The following EGFLAM variants were observed in gnomAD, a reference collection of about 807,000 sequenced individuals.
EGFLAM encodes the protein EGF like, fibronectin type III and laminin G domains, also known as pikachurin.
Under a neutral mutation model 113.1 loss-of-function variants are expected in EGFLAM, and 79 were observed. The observed-to-expected ratio is 0.70, with a 90% CI of 0.58 to 0.84. The LOEUF (loss-of-function observed/expected upper bound fraction) is 0.84. EGFLAM is among the 40% of genes least tolerant of loss of function. The pLI, the probability that EGFLAM is intolerant of heterozygous loss-of-function variation, is 0.00. For synonymous variants in EGFLAM, 504 were observed against 487.6 expected, an observed-to-expected ratio of 1.03 and a Z score of -0.44; for missense variants, 1,265 against 1,291.6, an observed-to-expected ratio of 0.98 and a Z score of 0.32.
intron 1 of EGFLAM, among the ~76,000 whole-genome samples, chr5:38,313,574 C>G (rs1192094148): frequency 1.3e-5 from 2 of 152,138 alleles, no homozygotes; most frequent in Non-Finnish European, 2.9e-5. Context: ...AGTCATCATA[C>G]ATCGCCTAAT....
At chr5:38,336,797 G>T (rs1320143927) in intron 1 of EGFLAM, among the ~76,000 whole-genome samples, 1 of 150,772 alleles carries the variant, frequency 6.6e-6, no homozygotes, top group Non-Finnish European at 1.5e-5. Context: ...TTCAGATAAG[G>T]GATGTCAACT....
chr5:38,320,617 T>G (rs373543963), intron 1 of EGFLAM, among the ~76,000 whole-genome samples: 2 of 152,164 alleles, frequency 1.3e-5, no homozygotes, highest in African/African-American at 4.8e-5. Context: ...TGTGTGCATA[T>G]GCTTACGTGT....
intron 1 of EGFLAM, among the ~76,000 whole-genome samples, chr5:38,261,758 G>T (rs551318862): frequency 6.6e-6 from 1 of 152,126 alleles, no homozygotes; most frequent in Non-Finnish European, 1.5e-5. Flanking sequence ...GAGTGCATAT[G>T]ATACTGAAAG....
chr5:38,405,169 T>C (rs1355589716), intron 6 of EGFLAM, among the ~76,000 whole-genome samples: 2 of 152,082 alleles, frequency 1.3e-5, no homozygotes, highest in African/African-American at 4.8e-5. Flanking sequence ...TACTTTGTAC[T>C]TCAAAAGTAT....
At position 38,352,194 on chromosome 5, in the gene EGFLAM, A is replaced by G. The variant is rs1739644864; in HGVS notation, c.410-2A>G. ...TCTAGTTGTGTTTGTCATCCCACCTAGATTCCTGCCTGCCTCCTGCAGCTC... is the reference window on the plus strand; with the variant it reads ...TCTAGTTGTGTTTGTCATCCCACCTGGATTCCTGCCTGCCTCCTGCAGCTC... On this transcript the variant is annotated splice_acceptor_variant, in intron 4 of 21. Transcript: ENST00000322350. LOFTEE classifies it high-confidence loss of function. The G allele has an allele frequency of 6.2e-7, 1 of 1,613,882 alleles. No homozygotes were observed. The highest frequency in any genetic ancestry group is 2.2e-5 in the East Asian group (1 of 44,878).
At chr5:38,412,909 C>T (rs981717205) in intron 11 of EGFLAM, among the ~76,000 whole-genome samples, 13 of 152,182 alleles carry the variant, frequency 8.5e-5, no homozygotes, top group Non-Finnish European at 1.6e-4. Flanking sequence ...AGCATCATTG[C>T]TGTTGGTGCA....
intron 1 of EGFLAM, among the ~76,000 whole-genome samples, chr5:38,323,252 G>C (rs1738787037): frequency 6.6e-6 from 1 of 152,196 alleles, no homozygotes; most frequent in African/African-American, 2.4e-5. Context: ...AATTGAATCA[G>C]AGATGAATTT....
intron 1 of EGFLAM, among the ~76,000 whole-genome samples, chr5:38,299,565 G>A (rs1758523319): frequency 6.6e-6 from 1 of 152,152 alleles, no homozygotes; most frequent in African/African-American, 2.4e-5. Context: ...TGATGAGTGA[G>A]TTCTTGCTCT....
intron 13 of EGFLAM, among the ~76,000 whole-genome samples, chr5:38,425,331 T>G (rs1741966423): frequency 6.6e-6 from 1 of 152,084 alleles, no homozygotes; most frequent in Admixed American, 6.5e-5. Context: ...GGCGCCCAGC[T>G]AATTTTTGTA....
chr5:38,368,722 TC>T (rs879299418), intron 5 of EGFLAM, among the ~76,000 whole-genome samples: 1 of 152,112 alleles, frequency 6.6e-6, no homozygotes, highest in Admixed American at 6.5e-5. Context: ...CCACCGTCAC[TC>T]CCCCTTTTCA....
chr5:38,282,749 G>C (rs1758050311), intron 1 of EGFLAM: 1 of 152,172 alleles, frequency 6.6e-6, no homozygotes, highest in South Asian at 2.1e-4. Flanking sequence ...TTTATACACT[G>C]TATATATCAT....
At chr5:38,414,105 G>C (rs1455856856) in intron 11 of EGFLAM, among the ~76,000 whole-genome samples, 1 of 152,148 alleles carries the variant, frequency 6.6e-6, no homozygotes, top group African/African-American at 2.4e-5. Context: ...GATATAAAGG[G>C]CTATGCCTTG....
intron 1 of EGFLAM, among the ~76,000 whole-genome samples, chr5:38,303,227 G>C (rs888642342): frequency 3.3e-5 from 5 of 152,166 alleles, no homozygotes; most frequent in African/African-American, 1.2e-4. Context: ...TCTTCAATCA[G>C]TGAAAAATTT....
intron 1 of EGFLAM, among the ~76,000 whole-genome samples, chr5:38,333,189 T>A (rs1739089616): frequency 6.6e-6 from 1 of 152,228 alleles, no homozygotes. Flanking sequence ...ATTTTCTTTA[T>A]CCAGTCTGTC....
At chr5:38,394,392 C>G (rs187149151) in intron 6 of EGFLAM, among the ~76,000 whole-genome samples, 1 of 151,140 alleles carries the variant, frequency 6.6e-6, no homozygotes, top group Non-Finnish European at 1.5e-5. Flanking sequence ...TATTTTTGTT[C>G]TATCTTGTTT....
intron 3 of EGFLAM, among the ~76,000 whole-genome samples, chr5:38,342,440 A>C (rs1739360487): frequency 6.6e-6 from 1 of 152,178 alleles, no homozygotes; most frequent in South Asian, 2.1e-4. Flanking sequence ...TAAAAGGTAG[A>C]TTTGGTTTTC....
At position 38,437,153 on chromosome 5, in the gene EGFLAM, A is replaced by G. The variant is rs567523908; in HGVS notation, c.2284-1122A>G. ...CTCCTCATAATTTATCAGTTTCACT[A>G]GAGTCACATTGCAGGGCAGAAGGTG... is the stretch of plus-strand genomic sequence containing the variant. On this transcript the variant is annotated intron_variant, in intron 16 of 21. Transcript: ENST00000322350. Among the ~76,000 whole-genome samples, 7 of 152,346 alleles carry G rather than the reference A, an allele frequency of 4.6e-5. No individual in the cohort carries two copies. The East Asian group carries it at 9.6e-4, about 21-fold the overall frequency.
chr5:38,342,188 C>T (rs1199077778), intron 3 of EGFLAM, among the ~76,000 whole-genome samples: 1 of 152,164 alleles, frequency 6.6e-6, no homozygotes, highest in Non-Finnish European at 1.5e-5. Flanking sequence ...CCACTTTTAT[C>T]CCTGCATGTA....
intron 1 of EGFLAM, among the ~76,000 whole-genome samples, chr5:38,303,666 T>C (rs977220584): frequency 2.0e-5 from 3 of 152,200 alleles, no homozygotes; most frequent in African/African-American, 7.2e-5. Context: ...TTTTTGGGTT[T>C]CTGCTCAAAT....
Sources: gnomAD v4.1 joint callset for allele counts (sites outside exome capture counted in the v4.1 genomes callset) on GRCh38, gnomAD v4.1.1 for gene constraint, MANE v1.5 for transcripts, NCBI Gene and HGNC (gene_info 2026-07-23, HGNC 2026-07-21) for gene names.